CA10: variants seen among roughly 807,000 people sequenced by gnomAD.
The protein encoded by CA10 is carbonic anhydrase 10 (inactive), also known as carbonic anhydrase-related protein 10.
A neutral mutation model predicts 44.2 loss-of-function variants in CA10; 14 were observed. The ratio of observed to expected loss-of-function variants is 0.32; its 90% CI spans 0.21 to 0.50. CA10 has a LOEUF of 0.50. Among genes scored for constraint, CA10 ranks in the 20% least tolerant of loss-of-function variants. The pLI is 0.99. For missense variants in CA10, 350 were observed against 409.7 expected (o/e 0.85, Z 1.26); for synonymous variants, 159 against 141.6 (o/e 1.12, Z -0.87).
chr17:51,765,103 C>T (rs1029965470), intron 3 of CA10, among the ~76,000 whole-genome samples: 1 of 152,012 alleles, frequency 6.6e-6, no homozygotes, highest in Non-Finnish European at 1.5e-5. Context: ...GACTGTTCAC[C>T]CATCAAATGG....
At chr17:51,972,812 T>TA (rs940766118) in intron 2 of CA10, among the ~76,000 whole-genome samples, 36 of 151,526 alleles carry the variant, frequency 2.4e-4, no homozygotes, top group African/African-American at 7.7e-4. Flanking sequence ...AAAAACTTAG[T>TA]AAGCAGTACT....
chr17:51,772,153 A>G (rs796370788), intron 3 of CA10, among the ~76,000 whole-genome samples: 13 of 152,322 alleles, frequency 8.5e-5, no homozygotes, highest in African/African-American at 3.1e-4. Context: ...GGAGAACAAT[A>G]GTGGCTACTG....
chr17:51,964,304 CA>C lies in CA10; in HGVS notation c.137-33173del, dbSNP rs1315492944. ...TGTAGAAAAAACTTACACAGCCACA[CA>C]ATAATCATCAGGGACTTCAGTACCC... On this transcript the variant is annotated intron_variant, in intron 2 of 8. Coordinates refer to ENST00000451037, the MANE Select transcript of CA10 (RefSeq NM_020178.5). 2.0e-5 allele frequency among the ~76,000 whole-genome samples: 3 copies of C among 152,158 alleles called. No homozygotes were observed. The East Asian group carries it at 5.8e-4, about 29-fold the overall frequency.
At chr17:51,859,587 T>C (rs561790121) in intron 3 of CA10, among the ~76,000 whole-genome samples, 3 of 152,290 alleles carry the variant, frequency 2.0e-5, no homozygotes, top group South Asian at 4.1e-4. Flanking sequence ...GCTGTCAATA[T>C]TGGCATCAGG....
At chr17:51,636,248 C>T (rs1401966988) in intron 6 of CA10, among the ~76,000 whole-genome samples, 1 of 152,184 alleles carries the variant, frequency 6.6e-6, no homozygotes, top group Non-Finnish European at 1.5e-5. Context: ...TTCTTGCTCA[C>T]ACACATGATC....
Position 52,055,178 on chromosome 17 carries a change from G to T in CA10, c.136+17141C>A, listed in dbSNP as rs77042465. 2.8e-3 allele frequency among the ~76,000 whole-genome samples: 419 copies of T among 152,132 alleles called. 2 individuals carry two copies. The highest frequency in any genetic ancestry group is 9.8e-3 in the African/African-American group (408 of 41,530). Reference sequence around the variant, plus strand: ...GCATTAGACTTATCTGAGACTCTTTGCAAGCTGGCAATAGAGTAACACCTA... The same window carrying T: ...GCATTAGACTTATCTGAGACTCTTTTCAAGCTGGCAATAGAGTAACACCTA... On this transcript the variant is annotated intron_variant, in intron 2 of 8. Coordinates refer to ENST00000451037, the MANE Select transcript of CA10 (RefSeq NM_020178.5).
At chr17:51,808,609 G>A (rs981215042) in intron 3 of CA10, among the ~76,000 whole-genome samples, 1 of 152,136 alleles carries the variant, frequency 6.6e-6, no homozygotes, top group Non-Finnish European at 1.5e-5. Flanking sequence ...ACCAATGACA[G>A]GAAAGGCTCA....
chr17:51,985,171 T>C (rs1380315898), intron 2 of CA10, among the ~76,000 whole-genome samples: 2 of 151,908 alleles, frequency 1.3e-5, no homozygotes, highest in African/African-American at 4.8e-5. Flanking sequence ...TCCACCATGA[T>C]CAAGTGGGTT....
At chr17:51,866,136 G>T (rs1979536833) in intron 3 of CA10, among the ~76,000 whole-genome samples, 1 of 152,156 alleles carries the variant, frequency 6.6e-6, no homozygotes, top group African/African-American at 2.4e-5. Flanking sequence ...TCCTGACGAT[G>T]CCACTAAGCC....
At chr17:52,071,119 G>C (rs968661471) in intron 2 of CA10, among the ~76,000 whole-genome samples, 1 of 152,120 alleles carries the variant, frequency 6.6e-6, no homozygotes, top group African/African-American at 2.4e-5. Context: ...CATGAACATA[G>C]CTTGTGCCAA....
At chr17:52,088,255 G>A (rs1988170234) in intron 1 of CA10, among the ~76,000 whole-genome samples, 1 of 152,062 alleles carries the variant, frequency 6.6e-6, no homozygotes, top group Admixed American at 6.5e-5. Context: ...GTCATAAAAG[G>A]AAGAATTAGT....
intron 3 of CA10, among the ~76,000 whole-genome samples, chr17:51,913,720 A>T (rs907376804): frequency 6.6e-6 from 1 of 152,104 alleles, no homozygotes; most frequent in African/African-American, 2.4e-5. Flanking sequence ...ACTGTGCAGA[A>T]GGGATGACCC....
chr17:51,642,761 G>C (rs1262951394), intron 6 of CA10, among the ~76,000 whole-genome samples: 4 of 152,110 alleles, frequency 2.6e-5, no homozygotes, highest in African/African-American at 9.7e-5. Context: ...TCCTGCCTCA[G>C]CCTCCCGAGT....
At chr17:52,150,948 T>C (rs1338382306) in intron 1 of CA10, among the ~76,000 whole-genome samples, 1 of 152,122 alleles carries the variant, frequency 6.6e-6, no homozygotes, top group East Asian at 1.9e-4. Flanking sequence ...TAAAAAAGTG[T>C]ATCACTTAGA....
At chr17:52,066,760 G>A (rs1350631324) in intron 2 of CA10, among the ~76,000 whole-genome samples, 1 of 152,186 alleles carries the variant, frequency 6.6e-6, no homozygotes, top group Non-Finnish European at 1.5e-5. Context: ...CGGGTATAAA[G>A]GTGACTCTTG....
chr17:51,987,224 T>C (rs1984872070), intron 2 of CA10, among the ~76,000 whole-genome samples: 1 of 152,054 alleles, frequency 6.6e-6, no homozygotes, highest in African/African-American at 2.4e-5. Context: ...ATGGTATTCA[T>C]AGCAACCTGG....
At chr17:51,807,523 T>C (rs1176512801) in intron 3 of CA10, among the ~76,000 whole-genome samples, 1 of 152,216 alleles carries the variant, frequency 6.6e-6, no homozygotes, top group African/African-American at 2.4e-5. Flanking sequence ...TGTAGAACAC[T>C]TAAATGCTTA....
intron 1 of CA10, among the ~76,000 whole-genome samples, chr17:52,118,090 G>A (rs905081555): frequency 6.6e-6 from 1 of 152,126 alleles, no homozygotes; most frequent in Non-Finnish European, 1.5e-5. Context: ...AGGATTATAA[G>A]GATCTCACCT....
chr17:51,826,245 G>A (rs548351663), intron 3 of CA10, among the ~76,000 whole-genome samples: 6 of 152,278 alleles, frequency 3.9e-5, no homozygotes, highest in East Asian at 1.9e-4. Flanking sequence ...TAATGACAAC[G>A]TCCTTTCATG....
Sources: allele counts gnomAD v4.1 joint callset (sites outside exome capture counted in the v4.1 genomes callset), GRCh38; gene constraint gnomAD v4.1.1; transcripts MANE v1.5; gene names NCBI Gene and HGNC (gene_info 2026-07-23, HGNC 2026-07-21).